Variants in NOS2 observed in about 807,000 individuals in gnomAD.
NOS2 encodes the protein nitric oxide synthase, inducible.
A neutral mutation model predicts 136.0 loss-of-function variants in NOS2; 96 were observed. The ratio of observed to expected loss-of-function variants is 0.71; its 90% CI spans 0.60 to 0.84. The LOEUF (loss-of-function observed/expected upper bound fraction) is 0.84. NOS2 is among the 40% of genes least tolerant of loss of function. The pLI is 0.00. For missense variants in NOS2, 1,237 were observed against 1,496.9 expected (o/e 0.83, Z 2.87); for synonymous variants, 539 against 587.5 (o/e 0.92, Z 1.20).
At position 27,765,561 on chromosome 17, in the gene NOS2, A is replaced by G. The variant is rs895374981; in HGVS notation, c.2402T>C (p.Val801Ala). The G allele has an allele frequency of 1.2e-6, 2 of 1,608,450 alleles. No individual in the cohort carries two copies. Among genetic ancestry groups the G allele is most frequent in the African/African-American group, 2.7e-5 (2 of 74,782 alleles). Residue 801 changes from valine (V) to alanine (A), a missense_variant, in exon 20 of 27, where the codon GTG becomes GCG. Physicochemically the swap from Val to Ala is moderately conservative, Grantham distance 64. Around this residue, in one of 3 missense-constraint regions of NOS2, gnomAD observed 782 missense variants for 909.9 expected, o/e 0.86. Coordinates refer to ENST00000313735, the MANE Select transcript of NOS2 (RefSeq NM_000625.4). ...ACTCTCATCCAGGGCCTCCAGGCGCACTGTCTGGTGGGGTGTGGGGCCATC... is the reference window on the plus strand; with the variant it reads ...ACTCTCATCCAGGGCCTCCAGGCGCGCTGTCTGGTGGGGTGTGGGGCCATC... The part of the protein sequence containing the change: ...VVDGPTPHQT[V>A]RLEALDESGS...
At chr17:27,775,591 G>A (rs1326732017) in intron 11 of NOS2, among the ~76,000 whole-genome samples, 1 of 152,102 alleles carries the variant, frequency 6.6e-6, no homozygotes, top group East Asian at 1.9e-4. Context: ...GACAGAGCGA[G>A]ACTCTGTCTT....
At chr17:27,781,552 C>T (rs1908850551) in intron 7 of NOS2, among the ~76,000 whole-genome samples, 1 of 152,192 alleles carries the variant, frequency 6.6e-6, no homozygotes. Flanking sequence ...CCATCTTCCC[C>T]CTGCTCTCCC....
rs1427424467 is a variant in NOS2, at chr17:27,759,036, C to T, written c.3199G>A (p.Glu1067Lys). ...QDILRQQLAS[E>K]VLRVLHKEPG... is the part of the protein sequence containing the mutation. ...TCCTTGTGGAGCACACGGAGCACCT[C>T]GCTGGCCAGCTGCTGCCGCAGGATG... Residue 1067 changes from glutamate (E) to lysine (K), a missense_variant, in exon 26 of 27, where the codon GAG (glutamate) becomes AAG (lysine). Transcript: ENST00000313735. The T allele has an allele frequency of 5.6e-6, 9 of 1,607,888 alleles. No homozygotes were observed. The highest frequency in any genetic ancestry group is 5.1e-5 in the Admixed American group (3 of 59,312).
At chr17:27,797,294 G>A (rs1453027294) in intron 2 of NOS2, among the ~76,000 whole-genome samples, 3 of 152,244 alleles carry the variant, frequency 2.0e-5, no homozygotes, top group African/African-American at 2.4e-5. Flanking sequence ...CACCGCTAAT[G>A]ATAGCAATGC....
At chr17:27,781,935 T>G in intron 7 of NOS2, 80 bp downstream of exon 7, 1 of 1,243,294 alleles carries the variant, frequency 8.0e-7, no homozygotes, top group Non-Finnish European at 1.2e-6. Flanking sequence ...ATGCCTCCCC[T>G]AGACCCAAGT....
Position 27,773,061 on chromosome 17 carries a change from T to C in NOS2, c.1559+100A>G, listed in dbSNP as rs968693084. 1.7e-5 allele frequency: 16 copies of C among 929,516 alleles called. No individual in the cohort carries two copies. The African/African-American group carries it at 1.8e-4, about 11-fold the overall frequency. The allele number at this position is 929,516 out of a possible 1,614,324, so 57.6% of individuals were successfully genotyped here. A position where few individuals can be genotyped will look rare whatever the true frequency, so the allele number is the denominator to read the frequency against. The stretch of plus-strand genomic sequence containing the variant: ...AAAACAAAAGCAAAAAGCATAACCA[T>C]TCCTTGTGTTCTTGCCCTTCAAGGA... On this transcript the variant is annotated intron_variant, in intron 13 of 26. Coordinates refer to ENST00000313735, the MANE Select transcript of NOS2 (RefSeq NM_000625.4).
intron 14 of NOS2, 55 bp from the exon 15 acceptor site, chr17:27,771,072 C>A (rs1306217149): frequency 3.0e-6 from 4 of 1,325,330 alleles, no homozygotes; most frequent in African/African-American, 1.5e-5. Flanking sequence ...GCCCTCCCTA[C>A]CCTGCGCAGA....
chr17:27,783,348 T>G (rs1469975997), intron 5 of NOS2, among the ~76,000 whole-genome samples: 1 of 152,120 alleles, frequency 6.6e-6, no homozygotes, highest in Non-Finnish European at 1.5e-5. Context: ...GAGCCCACAT[T>G]TTCATTTTTA....
At chr17:27,787,947 T>C in intron 4 of NOS2, 121 bp from the exon 5 acceptor site, 2 of 1,028,308 alleles carry the variant, frequency 1.9e-6, no homozygotes, top group South Asian at 1.7e-5. Context: ...GCACCTCTTC[T>C]CCACCCCTGT....
chr17:27,798,789 A>G lies in NOS2; in HGVS notation c.21T>C (p.Phe7=), dbSNP rs1909438491. The change falls in exon 2 of 27, where the codon TTT becomes TTC. Residue 7 remains phenylalanine (F), a synonymous_variant. Transcript: ENST00000313735. ...ACTGGTGGAATTTGGTCTTGAACAG[A>G]AATTTCCAAGGACAGGCCATCTCTA... MACPWK[F]LFKTKFHQYA... is the part of the protein sequence containing the mutation. The G allele has an allele frequency of 6.2e-7, 1 of 1,612,902 alleles. No homozygotes were observed. Among genetic ancestry groups the G allele is most frequent in the Admixed American group, 1.7e-5 (1 of 60,006 alleles).
chr17:27,786,722 T>C (rs984803853), intron 5 of NOS2, among the ~76,000 whole-genome samples: 4 of 152,154 alleles, frequency 2.6e-5, no homozygotes, highest in African/African-American at 9.7e-5. Context: ...GTACTATTAT[T>C]ATCACCATTT....
chr17:27,782,113 C>A lies in NOS2; in HGVS notation c.631-7G>T. 6.2e-7 allele frequency: 1 copy of A among 1,613,368 alleles called. No individual in the cohort carries two copies. Among genetic ancestry groups the A allele is most frequent in the Non-Finnish European group, 8.5e-7 (1 of 1,179,638 alleles). On this transcript the variant is annotated splice_region_variant and splice_polypyrimidine_tract_variant and intron_variant, in intron 6 of 26. Transcript: ENST00000313735. ...AGCTGCGGGCATCGAAGACCTGCAA[C>A]AGCCCATCCAGACCATGCCCATCAA... is the stretch of plus-strand genomic sequence containing the variant.
At position 27,788,895 on chromosome 17, in the gene NOS2, G is replaced by C. The variant is rs1276469355; in HGVS notation, c.232C>G (p.Pro78Ala). Residue 78 changes from proline (P) to alanine (A), a missense_variant, in exon 4 of 27, where the codon CCA becomes GCA. Around this residue, in one of 3 missense-constraint regions of NOS2, gnomAD observed 440 missense variants for 545.4 expected, o/e 0.81. Transcript: ENST00000313735. ...PESLVKLDAT[P>A]LSSPRHVRIK... ...CTCACATGCCGTGGGGAGGACAATG[G>C]GGTTGCATCCAGCTTGACCAGAGAT... 6 of 1,614,060 alleles carry C rather than the reference G, an allele frequency of 3.7e-6. No individual in the cohort carries two copies. The highest frequency in any genetic ancestry group is 1.6e-4 in the Middle Eastern group (1 of 6,082).
intron 5 of NOS2, among the ~76,000 whole-genome samples, chr17:27,783,561 C>T (rs1445255018): frequency 6.6e-6 from 1 of 152,172 alleles, no homozygotes; most frequent in Non-Finnish European, 1.5e-5. Flanking sequence ...CCTTCCTTGC[C>T]ATGACTGAGA....
intron 25 of NOS2, 85 bp downstream of exon 25, chr17:27,759,945 G>A (rs938538415): frequency 6.9e-5 from 93 of 1,348,384 alleles, no homozygotes; most frequent in Non-Finnish European, 8.9e-5. Flanking sequence ...GTGAAGGCTC[G>A]GGGAGGCGAG....
At chr17:27,779,114 A>AT (rs113876125) in intron 9 of NOS2, 58 bp from the exon 10 acceptor site, 27,981 of 1,011,252 alleles carry the variant, frequency 0.028, 3 homozygotes, top group Middle Eastern at 0.029. Flanking sequence ...TTTTATTATT[A>AT]TTTTTTTTTT....
intron 16 of NOS2, 146 bp from the exon 17 acceptor site, chr17:27,769,297 T>C: frequency 1.2e-6 from 1 of 868,530 alleles, no homozygotes; most frequent in Non-Finnish European, 1.8e-6. Context: ...GTCCTCTCCA[T>C]CCCCCAGCCT....
chr17:27,796,160 A>T (rs1909347456), intron 2 of NOS2, among the ~76,000 whole-genome samples: 2 of 152,168 alleles, frequency 1.3e-5, no homozygotes, highest in South Asian at 4.1e-4. Flanking sequence ...AGAAAAGGAA[A>T]GAAAAAAGAA....
At chr17:27,797,046 T>C (rs1171777556) in intron 2 of NOS2, among the ~76,000 whole-genome samples, 1 of 152,200 alleles carries the variant, frequency 6.6e-6, no homozygotes, top group Non-Finnish European at 1.5e-5. Context: ...GCCCTTGTGC[T>C]CTGGCCTGGC....
Sources: gnomAD v4.1 joint callset for allele counts (sites outside exome capture counted in the v4.1 genomes callset) on GRCh38, gnomAD v4.1.1 for gene constraint, gnomAD v4.1.1 regional missense constraint, MANE v1.5 for transcripts, NCBI Gene and HGNC (gene_info 2026-07-23, HGNC 2026-07-21) for gene names.